Variants in WDR4 observed in about 807,000 individuals in gnomAD.
WDR4 encodes tRNA (guanine-N(7)-)-methyltransferase non-catalytic subunit WDR4.
WDR4 carries 47 observed loss-of-function variants against 48.6 expected under a neutral mutation model. The ratio of observed to expected loss-of-function variants is 0.97; its 90% CI spans 0.77 to 1.23. The LOEUF is 1.23. Ranked by LOEUF, WDR4 falls within the 50% of genes most tolerant of loss-of-function variation. The pLI, the probability that WDR4 is intolerant of heterozygous loss-of-function variation, is 0.00. For synonymous variants in WDR4, 268 were observed against 230.0 expected (o/e 1.17, Z -1.49); for missense variants, 606 against 551.6 (o/e 1.10, Z -0.99).
chr21:42,870,528 C>T (rs534372255), intron 3 of WDR4, among the ~76,000 whole-genome samples: 2 of 152,256 alleles, frequency 1.3e-5, no homozygotes, highest in African/African-American at 2.4e-5. Context: ...TGGCTCACTC[C>T]TGTAATCCTA....
intron 7 of WDR4, 72 bp from the exon 8 acceptor site, chr21:42,854,698 A>G: frequency 1.4e-6 from 2 of 1,471,412 alleles, no homozygotes; most frequent in South Asian, 2.5e-5. Context: ...TGATCCAACA[A>G]GAGCAAGACC....
At chr21:42,865,522 G>T (rs1165371264) in intron 3 of WDR4, among the ~76,000 whole-genome samples, 1 of 152,134 alleles carries the variant, frequency 6.6e-6, no homozygotes, top group Admixed American at 6.5e-5. Flanking sequence ...AGAGGGCACT[G>T]CTCCGCGTCC....
rs71906023 is a variant in WDR4 at position 42,862,750 on chromosome 21, G to GTTGCCTTCC, written c.454-365_454-357dup. 6.6e-6 allele frequency among the ~76,000 whole-genome samples: 1 copy of GTTGCCTTCC among 151,360 alleles called. No homozygotes were observed. ...GCTGCACCCTCCTGCCCAACACTGG[G>GTTGCCTTCC]TTGCCTTCCTTGCCTTCCTGTCACA... On this transcript the variant is annotated intron_variant, in intron 4 of 10. Coordinates refer to ENST00000398208, the MANE Select transcript of WDR4 (RefSeq NM_018669.6). The surrounding 1 kb of genome is among the most constrained non-coding windows in gnomAD (Gnocchi z 4.3).
downstream of WDR4, among the ~76,000 whole-genome samples, chr21:42,844,454 G>A (rs2057693580): frequency 1.3e-5 from 2 of 152,216 alleles, no homozygotes; most frequent in Non-Finnish European, 2.9e-5. Flanking sequence ...GGAACAGAGG[G>A]TTCCACTAAC....
At chr21:42,845,061 G>A (rs771905281), downstream of WDR4, among the ~76,000 whole-genome samples, 8 of 152,344 alleles carry the variant, frequency 5.3e-5, no homozygotes, top group East Asian at 1.9e-4. Flanking sequence ...CACTGGGCAC[G>A]GAGAGGCAAG....
At chr21:42,877,531 TC>T (rs2146113230) in intron 1 of WDR4, among the ~76,000 whole-genome samples, 1 of 151,162 alleles carries the variant, frequency 6.6e-6, no homozygotes, top group African/African-American at 2.4e-5. Flanking sequence ...ATTTGCACAC[TC>T]ATTAAATTAA....
At chr21:42,855,927 C>T in intron 6 of WDR4, 147 bp from the exon 7 acceptor site, 4 of 517,268 alleles carry the variant, frequency 7.7e-6, no homozygotes. Context: ...TCTGCTCTGA[C>T]TGTGTAAATC....
the WDR4 span, among the ~76,000 whole-genome samples, chr21:42,890,927 C>T: frequency 3.9e-5 from 6 of 152,340 alleles, no homozygotes; most frequent in South Asian, 1.2e-3. Context: ...CCCAACCAGG[C>T]TGCATAGGCT....
At chr21:42,848,393 A>G (rs34525222), downstream of WDR4, among the ~76,000 whole-genome samples, 130,196 of 139,620 alleles carry the variant, frequency 0.93, 60,634 homozygotes, top group African/African-American at 0.96. Flanking sequence ...CTCACACAGC[A>G]CACGATCACG....
chr21:42,871,084 T>C (rs2058360145), intron 3 of WDR4, among the ~76,000 whole-genome samples: 1 of 152,104 alleles, frequency 6.6e-6, no homozygotes, highest in Non-Finnish European at 1.5e-5. Flanking sequence ...CCAGTGTCCT[T>C]TCAGGAACAG....
At chr21:42,860,118 G>C (rs2058082716) in intron 5 of WDR4, among the ~76,000 whole-genome samples, 1 of 152,146 alleles carries the variant, frequency 6.6e-6, no homozygotes, top group Admixed American at 6.5e-5. Context: ...GCACTGTGAT[G>C]AAAGGAGCCT....
downstream of WDR4, among the ~76,000 whole-genome samples, chr21:42,845,025 G>A (rs2057698797): frequency 6.6e-6 from 1 of 152,242 alleles, no homozygotes; most frequent in Non-Finnish European, 1.5e-5. Flanking sequence ...CCAGCCCAGG[G>A]TCACACGGCA....
rs575428710 is a variant in WDR4 at position 42,874,347 on chromosome 21, G to A, written c.156-656C>T. Among the ~76,000 whole-genome samples, 7 of 152,198 alleles carry A rather than the reference G, an allele frequency of 4.6e-5. No individual in the cohort carries two copies. In the South Asian group the frequency reaches 6.2e-4, roughly 14 times the overall value. The stretch of plus-strand genomic sequence containing the variant: ...AGCCGAGGAGGATGTATGTCACCTC[G>A]GGACCCTGTGATAATTGCGTTGACT... On this transcript the variant is annotated intron_variant, in intron 2 of 10. Transcript: ENST00000398208.
chr21:42,879,184 G>A (rs976310750), intron 1 of WDR4: 2 of 1,337,136 alleles, frequency 1.5e-6, no homozygotes, highest in African/African-American at 3.1e-5. Context: ...GAGCGCGCCG[G>A]AGCCGGGGAG....
intron 7 of WDR4, 117 bp from the exon 8 acceptor site, chr21:42,854,743 G>C: frequency 1.1e-6 from 1 of 884,408 alleles, no homozygotes; most frequent in East Asian, 2.7e-5. Context: ...TCAAGGAAGA[G>C]GAAACAGCAC....
rs532745900 is a variant in WDR4, at chr21:42,843,635, G to A, written c.*9-354C>T. ...GTCGCCCAGGCTGGAGTACAGTGGCGCGATCTCGGCTCACTGCAACCTCCG... is the reference window on the plus strand; with the variant it reads ...GTCGCCCAGGCTGGAGTACAGTGGCACGATCTCGGCTCACTGCAACCTCCG... On this transcript the variant is annotated intron_variant, in intron 11 of 11. Transcript: ENST00000330317. 1.3e-3 allele frequency among the ~76,000 whole-genome samples: 202 copies of A among 151,686 alleles called. 3 individuals are homozygous for A. The South Asian group carries it at 0.018, about 13-fold the overall frequency.
Position 42,863,534 on chromosome 21 carries a change from GCCA to G in WDR4, c.356_358del (p.Val119del). 1 of 1,613,964 alleles carries G rather than the reference GCCA, an allele frequency of 6.2e-7. No individual in the cohort carries two copies. Among genetic ancestry groups the G allele is most frequent in the East Asian group, 2.2e-5 (1 of 44,844 alleles). On this transcript the variant is annotated inframe_deletion, in exon 4 of 11. Coordinates refer to ENST00000398208, the MANE Select transcript of WDR4 (RefSeq NM_018669.6). ...GGAGTAGACGTCTCCAGACTTGTCG[GCCA>G]CCAAGACCTTCTCCTCCGAGGCTAT...
In WDR4 at chr21:42,849,973, G is replaced by C; in HGVS notation, c.*76C>G. ...GATGTCACCTTTTCCTTCTTGAAGG[G>C]ACATGCCAGGATGCAGGGGAACAAG... On this transcript the variant is annotated 3_prime_UTR_variant, in exon 11 of 11. Transcript: ENST00000398208. 4 of 1,568,538 alleles carry C rather than the reference G, an allele frequency of 2.6e-6. No individual in the cohort carries two copies. The South Asian group carries it at 4.6e-5, about 18-fold the overall frequency.
upstream of WDR4, among the ~76,000 whole-genome samples, chr21:42,880,452 C>A (rs560869803): frequency 6.6e-6 from 1 of 152,190 alleles, no homozygotes; most frequent in African/African-American, 2.4e-5. Context: ...TTTTCTCTCC[C>A]GTGCACGCAA....
Sources: gnomAD v4.1 joint callset for allele counts (sites outside exome capture counted in the v4.1 genomes callset) on GRCh38, gnomAD v4.1.1 for gene constraint, Gnocchi (gnomAD v3.1) non-coding constraint, MANE v1.5 for transcripts, NCBI Gene and HGNC (gene_info 2026-07-23, HGNC 2026-07-21) for gene names.